Variants in FGF13 observed in about 807,000 individuals in gnomAD.
FGF13 encodes fibroblast growth factor 13.
In FGF13, 2 loss-of-function variants were observed where a neutral mutation model predicts 19.5. The ratio of observed to expected loss-of-function variants is 0.10; its 90% confidence interval spans 0.04 to 0.32. FGF13 has a LOEUF of 0.32. FGF13 is among the 10% of genes least tolerant of loss of function. The pLI is 1.00. For missense variants in FGF13, 113 were observed against 192.7 expected (o/e 0.59, Z 2.45); for synonymous variants, 72 against 76.9 (o/e 0.94, Z 0.33).
rs182538385 is a variant in FGF13, at chrX:139,150,813, T to C, written c.-113+52603A>G. Among the ~76,000 whole-genome samples, 396 of 111,670 alleles carry C rather than the reference T, an allele frequency of 3.5e-3. 2 individuals carry two copies. The highest frequency in any genetic ancestry group is 5.8e-3 in the Non-Finnish European group (310 of 53,086). On this transcript the variant is annotated intron_variant, in intron 1 of 2. Transcript: ENST00000421460. ...CAGTGAACCTAAGAGATACAAGAACTCCAAGGAGCAGCCCCTAATTCTGCT... is the reference window on the plus strand; with the variant it reads ...CAGTGAACCTAAGAGATACAAGAACCCCAAGGAGCAGCCCCTAATTCTGCT...
chrX:138,984,583 A>AG (rs1457802580), intron 1 of FGF13, among the ~76,000 whole-genome samples: 23 of 50,549 alleles, frequency 4.6e-4, no homozygotes, highest in African/African-American at 8.6e-4. Flanking sequence ...AAGAAGAAGA[A>AG]GAAGAAGGAG....
intron 3 of FGF13, among the ~76,000 whole-genome samples, chrX:138,666,407 G>GTC (rs2089545842): frequency 8.9e-6 from 1 of 111,809 alleles, no homozygotes; most frequent in Admixed American, 9.5e-5. Flanking sequence ...GATCCAAAAA[G>GTC]TACGTATGAC....
At chrX:138,983,917 AGTTATACG>A in intron 1 of FGF13, among the ~76,000 whole-genome samples, 2 of 111,155 alleles carry the variant, frequency 1.8e-5, no homozygotes, top group African/African-American at 6.5e-5. Context: ...TTTTGCCTAT[AGTTATACG>A]ACATTTTGCC....
intron 1 of FGF13, among the ~76,000 whole-genome samples, chrX:139,095,041 G>A (rs1431069853): frequency 2.7e-5 from 3 of 112,377 alleles, no homozygotes; most frequent in Non-Finnish European, 3.8e-5. Flanking sequence ...CCTCTGGCTG[G>A]CCTCCTGAGC....
intron 1 of FGF13, among the ~76,000 whole-genome samples, chrX:138,988,339 A>G (rs1365998776): frequency 1.8e-5 from 2 of 112,301 alleles, no homozygotes; most frequent in African/African-American, 6.5e-5. Flanking sequence ...ATTACAGGTG[A>G]AAAGGCATAT....
At chrX:139,102,294 C>T (rs1466216233) in intron 1 of FGF13, among the ~76,000 whole-genome samples, 1 of 111,199 alleles carries the variant, frequency 9.0e-6, no homozygotes, top group Admixed American at 9.6e-5. Context: ...CAAACTTGTA[C>T]GAACCTTAAT....
intron 1 of FGF13, among the ~76,000 whole-genome samples, chrX:138,716,821 C>G (rs1211671296): frequency 9.0e-6 from 1 of 111,452 alleles, no homozygotes; most frequent in Admixed American, 9.5e-5. Flanking sequence ...AACTGATTGG[C>G]CTTCCTGAAT....
At position 139,027,881 on chromosome X, in the gene FGF13, G is replaced by A. The variant is rs141603848; in HGVS notation, c.-112-163231C>T. 6.0e-3 allele frequency among the ~76,000 whole-genome samples: 643 copies of A among 106,509 alleles called. 5 individuals are homozygous for A. The highest frequency in any genetic ancestry group is 0.021 in the African/African-American group (608 of 29,431). The allele number at this position is 106,509 out of a possible 115,157, so 92.5% of individuals were successfully genotyped here. Reference sequence around the variant, plus strand: ...CCTGTTCTCTCAAGCCAGCCATTTCGTCTCAAATTTTTGAAACAATATCAC... The same window carrying A: ...CCTGTTCTCTCAAGCCAGCCATTTCATCTCAAATTTTTGAAACAATATCAC... On this transcript the variant is annotated intron_variant, in intron 1 of 2. Transcript: ENST00000421460.
At chrX:139,123,530 G>C (rs772417776) in intron 1 of FGF13, among the ~76,000 whole-genome samples, 31 of 112,245 alleles carry the variant, frequency 2.8e-4, no homozygotes, top group Non-Finnish European at 5.1e-4. Context: ...CTAGGTCTCA[G>C]TTTAAATGTC....
At chrX:138,821,464 A>C (rs1256238852) in intron 3 of FGF13, among the ~76,000 whole-genome samples, 1 of 112,131 alleles carries the variant, frequency 8.9e-6, no homozygotes, top group African/African-American at 3.2e-5. Flanking sequence ...ATGAAATTGA[A>C]ATACAAAATA....
At chrX:138,754,669 A>G (rs1214807324) in intron 3 of FGF13, among the ~76,000 whole-genome samples, 4 of 111,511 alleles carry the variant, frequency 3.6e-5, no homozygotes, top group African/African-American at 1.3e-4. Context: ...CTAAATGGTA[A>G]AAGTGCCTCA....
At chrX:139,065,366 G>A (rs1415947949) in intron 1 of FGF13, among the ~76,000 whole-genome samples, 3 of 107,537 alleles carry the variant, frequency 2.8e-5, no homozygotes, top group Middle Eastern at 4.4e-3. Flanking sequence ...TGGAAAATTG[G>A]ATAAAGAGTC....
At chrX:138,685,751 C>G (rs2089775456) in intron 3 of FGF13, among the ~76,000 whole-genome samples, 1 of 111,218 alleles carries the variant, frequency 9.0e-6, no homozygotes, top group African/African-American at 3.3e-5. Flanking sequence ...TAAATGGAAA[C>G]TATTTTTATA....
intron 3 of FGF13, among the ~76,000 whole-genome samples, chrX:138,798,380 G>A (rs1262422611): frequency 1.8e-5 from 2 of 112,171 alleles, no homozygotes; most frequent in East Asian, 2.8e-4. Flanking sequence ...ATTTGCATAT[G>A]TTGAACCTGC....
chrX:139,178,902 T>C (rs1371984213), intron 1 of FGF13, among the ~76,000 whole-genome samples: 1 of 112,277 alleles, frequency 8.9e-6, no homozygotes, highest in Non-Finnish European at 1.9e-5. Context: ...TGGACATCAG[T>C]GTTCTATAAT....
At chrX:139,066,717 T>C (rs1384665813) in intron 1 of FGF13, among the ~76,000 whole-genome samples, 1 of 111,043 alleles carries the variant, frequency 9.0e-6, no homozygotes, top group Admixed American at 9.6e-5. Context: ...GCTGATACCA[T>C]TCCTTCTGAA....
chrX:138,940,877 C>T (rs921471272), intron 1 of FGF13, among the ~76,000 whole-genome samples: 2 of 111,280 alleles, frequency 1.8e-5, no homozygotes, highest in African/African-American at 3.3e-5. Flanking sequence ...CCAGCTTTGT[C>T]CTTTTTGCTC....
At chrX:138,819,907 AAAC>A (rs983781392) in intron 3 of FGF13, among the ~76,000 whole-genome samples, 13 of 111,853 alleles carry the variant, frequency 1.2e-4, no homozygotes, top group South Asian at 3.7e-4. Flanking sequence ...ATTCAGAAAA[AAAC>A]AACAAGTTAG....
chrX:139,007,243 A>G (rs944566836), intron 1 of FGF13, among the ~76,000 whole-genome samples: 1 of 111,971 alleles, frequency 8.9e-6, no homozygotes, highest in African/African-American at 3.2e-5. Flanking sequence ...AACTAGAAAA[A>G]GACAAAAAGA....
Sources: allele counts gnomAD v4.1 joint callset (sites outside exome capture counted in the v4.1 genomes callset), GRCh38; gene constraint gnomAD v4.1.1; transcripts MANE v1.5; gene names NCBI Gene and HGNC (gene_info 2026-07-23, HGNC 2026-07-21).